Variants in HACD3 observed in about 807,000 individuals in gnomAD.
HACD3 encodes the protein very-long-chain (3R)-3-hydroxyacyl-CoA dehydratase 3.
Under a neutral mutation model 55.2 loss-of-function variants are expected in HACD3, and 30 were observed. The ratio of observed to expected loss-of-function variants is 0.54; its 90% confidence interval spans 0.41 to 0.74. The LOEUF (loss-of-function observed/expected upper bound fraction) is 0.74, where lower values mean the gene tolerates loss of function less well. Ranked by LOEUF, HACD3 falls within the 30% of genes least tolerant of loss-of-function variation. HACD3 has a pLI of 0.00. For synonymous variants in HACD3, 141 were observed against 151.7 expected (o/e 0.93, Z 0.52); for missense variants, 363 against 440.1 (o/e 0.82, Z 1.57).
At chr15:65,570,295 A>AAACCAAATGAGAC in intron 8 of HACD3, 92 bp downstream of exon 8, 1 of 962,996 alleles carries the variant, frequency 1.0e-6, no homozygotes, top group Non-Finnish European at 1.6e-6. Flanking sequence ...CCAGAGTCTC[A>AAACCAAATGAGAC]TTTGGTTTGG....
intron 1 of HACD3, among the ~76,000 whole-genome samples, chr15:65,544,109 G>A (rs1240819284): frequency 6.6e-6 from 1 of 152,100 alleles, no homozygotes; most frequent in Non-Finnish European, 1.5e-5. Context: ...CCCGGGAGGC[G>A]GAGCTTGCAG....
At chr15:65,564,378 A>G (rs2072272192) in intron 7 of HACD3, 36 bp downstream of exon 7, 1 of 1,601,624 alleles carries the variant, frequency 6.2e-7, no homozygotes. Context: ...GGGTAATGGA[A>G]GGTCCCATTA....
rs1463957906 is a variant in HACD3 at position 65,577,437 on chromosome 15, C to CCACACACACACAAACACACATACACA, written c.*1070_*1095dup. On this transcript the variant is annotated 3_prime_UTR_variant, in exon 11 of 11. Transcript: ENST00000261875. ...AGACCCTGTCTCAAACCAAACCAAACCACACACACACAAACACACATACAC... is the reference window on the plus strand; with the variant it reads ...AGACCCTGTCTCAAACCAAACCAAACCACACACACACAAACACACATACACACACACACACACAAACACACATACAC... The CCACACACACACAAACACACATACACA allele has an allele frequency of 6.6e-6, 1 of 151,178 alleles. No homozygotes were observed. Among genetic ancestry groups the CCACACACACACAAACACACATACACA allele is most frequent in the South Asian group, 2.1e-4 (1 of 4,796 alleles). 9.4% of individuals were successfully genotyped at this position (151,178 alleles called of 1,614,324 possible).
At chr15:65,554,786 A>T (rs1048288562) in intron 2 of HACD3, 101 bp from the exon 3 acceptor site, 24 of 774,726 alleles carry the variant, frequency 3.1e-5, no homozygotes, top group Non-Finnish European at 4.3e-5. Context: ...AAAAAAAAAA[A>T]GTGTAATATT....
chr15:65,538,906 A>AT (rs1266050881), intron 1 of HACD3, among the ~76,000 whole-genome samples: 5 of 152,212 alleles, frequency 3.3e-5, no homozygotes, highest in Admixed American at 2.0e-4. Context: ...GATCATTAGC[A>AT]TTTTTTAGCA....
In HACD3 at chr15:65,568,462, G is replaced by A. The variant is rs144736006; in HGVS notation, c.661-1629G>A. On this transcript the variant is annotated intron_variant, in intron 7 of 10. Transcript: ENST00000261875. Reference sequence around the variant, plus strand: ...CAACCTCGGCCTCCCACGTTCAAGCGATTCTCCTACCTCAGCCTCCCGAGT... The same window carrying A: ...CAACCTCGGCCTCCCACGTTCAAGCAATTCTCCTACCTCAGCCTCCCGAGT... Among the ~76,000 whole-genome samples the A allele has an allele frequency of 3.1e-3, 463 of 150,206 alleles. 3 individuals carry two copies. Among genetic ancestry groups the A allele is most frequent in the African/African-American group, 0.011 (440 of 40,894 alleles).
chr15:65,570,930 C>T (rs535304830), intron 8 of HACD3, among the ~76,000 whole-genome samples: 68 of 152,222 alleles, frequency 4.5e-4, no homozygotes, highest in African/African-American at 1.6e-3. Flanking sequence ...CTCTAATAGC[C>T]TTAATACAAA....
chr15:65,542,192 G>A (rs1477656208), intron 1 of HACD3, among the ~76,000 whole-genome samples: 2 of 129,384 alleles, frequency 1.5e-5, no homozygotes, highest in Non-Finnish European at 3.1e-5. Flanking sequence ...TCATGCCACT[G>A]CACTCCAGCC....
chr15:65,559,879 G>A (rs1030700538), intron 5 of HACD3, among the ~76,000 whole-genome samples: 2 of 152,090 alleles, frequency 1.3e-5, no homozygotes, highest in African/African-American at 4.8e-5. Flanking sequence ...TTGGGTGTTA[G>A]GTAAAGCTTT....
chr15:65,572,198 T>G (rs1303676086), intron 9 of HACD3, 37 bp from the exon 10 acceptor site: 2 of 1,606,544 alleles, frequency 1.2e-6, no homozygotes, highest in Admixed American at 1.7e-5. Flanking sequence ...TGTGACTGTT[T>G]CATTTGCTTC....
chr15:65,577,119 C>CA lies in HACD3; in HGVS notation c.*742dup, dbSNP rs1473324128. The CA allele has an allele frequency of 6.6e-6, 1 of 152,132 alleles. No homozygotes were observed. Among genetic ancestry groups the CA allele is most frequent in the African/African-American group, 2.4e-5 (1 of 41,408 alleles). The allele number at this position is 152,132 out of a possible 1,614,324, so 9.4% of individuals were successfully genotyped here. On this transcript the variant is annotated 3_prime_UTR_variant, in exon 11 of 11. Transcript: ENST00000261875. ...GAAAAATGAAACATTATTTAGAAAA[C>CA]AATGAGATTACAAGTTCCAAACTCA...
Position 65,530,685 on chromosome 15 carries a change from G to A in HACD3, c.54G>A (p.Glu18=), listed in dbSNP as rs1236903901. 5.1e-6 allele frequency: 8 copies of A among 1,577,954 alleles called. No individual in the cohort carries two copies. Among genetic ancestry groups the A allele is most frequent in the Admixed American group, 1.8e-5 (1 of 54,820 alleles). Residue 18 remains glutamate, a synonymous_variant, in exon 1 of 11, where the codon GAG becomes GAA. Coordinates refer to ENST00000261875, the MANE Select transcript of HACD3 (RefSeq NM_016395.4). ...PHVYWAQRHR[E]LYLRVELSDV... ...TCTACTGGGCTCAGCGACACCGCGA[G>A]CTATATCTGCGCGTGGAGCTGAGTG... is the stretch of plus-strand genomic sequence containing the variant.
rs1195920662 is a variant in HACD3 at position 65,578,102 on chromosome 15, T to A, written c.*1723T>A. ...AAACATCTGATTAATATAGGCTAGCTGATTTCTTAAAAATTCGTTGCATTG... is the reference window on the plus strand; with the variant it reads ...AAACATCTGATTAATATAGGCTAGCAGATTTCTTAAAAATTCGTTGCATTG... On this transcript the variant is annotated 3_prime_UTR_variant, in exon 11 of 11. Transcript: ENST00000261875. 1 of 152,208 alleles carries A rather than the reference T, an allele frequency of 6.6e-6. No homozygotes were observed. The highest frequency in any genetic ancestry group is 1.5e-5 in the Non-Finnish European group (1 of 68,032). The allele number at this position is 152,208 out of a possible 1,614,324, so 9.4% of individuals were successfully genotyped here.
chr15:65,534,602 G>A (rs969598499), intron 1 of HACD3, among the ~76,000 whole-genome samples: 4 of 152,212 alleles, frequency 2.6e-5, no homozygotes, highest in Admixed American at 2.6e-4. Flanking sequence ...AGAACAGAGC[G>A]TAGCTGTGTT....
At chr15:65,565,086 G>A (rs1260308139) in intron 7 of HACD3, 1 of 152,240 alleles carries the variant, frequency 6.6e-6, no homozygotes, top group African/African-American at 2.4e-5. Context: ...GCTCCAAAAT[G>A]ATCTCCTTTG....
intron 5 of HACD3, among the ~76,000 whole-genome samples, chr15:65,561,414 C>T (rs2072243181): frequency 2.0e-5 from 3 of 151,322 alleles, no homozygotes; most frequent in East Asian, 2.0e-4. Context: ...TGCAGTGAGC[C>T]GAGATTGTGC....
chr15:65,533,848 G>A lies in HACD3; in HGVS notation c.87+3130G>A, dbSNP rs188213968. 2.2e-3 allele frequency among the ~76,000 whole-genome samples: 340 copies of A among 151,846 alleles called. 2 individuals carry two copies. Among genetic ancestry groups the A allele is most frequent in the Middle Eastern group, 0.017 (5 of 294 alleles). On this transcript the variant is annotated intron_variant, in intron 1 of 10. Transcript: ENST00000261875. ...GGGCGGATCATGAGGTCAGGAGATC[G>A]AGACCATCCTGGCTAACACGGTGAA...
Position 65,572,223 on chromosome 15 carries a change from TTC to T in HACD3, c.881-10_881-9del. The T allele has an allele frequency of 6.2e-7, 1 of 1,610,926 alleles. No individual in the cohort carries two copies. The highest frequency in any genetic ancestry group is 8.5e-7 in the Non-Finnish European group (1 of 1,179,354). On this transcript the variant is annotated splice_polypyrimidine_tract_variant and intron_variant, in intron 9 of 10. Coordinates refer to ENST00000261875, the MANE Select transcript of HACD3 (RefSeq NM_016395.4). ...TCATTTGCTTCTAACAAGTTCTTGTTTCTGTTTTCAGCTGTCTCAGTGATTCA... is the reference window on the plus strand; with the variant it reads ...TCATTTGCTTCTAACAAGTTCTTGTTTGTTTTCAGCTGTCTCAGTGATTCA...
chr15:65,553,187 C>A (rs994790199), intron 2 of HACD3: 11 of 152,172 alleles, frequency 7.2e-5, no homozygotes, highest in African/African-American at 2.7e-4. Flanking sequence ...GAAGTGAGCA[C>A]ATATTTTTCT....
Sources: allele counts gnomAD v4.1 joint callset (sites outside exome capture counted in the v4.1 genomes callset), GRCh38; gene constraint gnomAD v4.1.1; transcripts MANE v1.5; gene names NCBI Gene and HGNC (gene_info 2026-07-23, HGNC 2026-07-21).